The following CTNNA3 variants were observed in gnomAD, a reference collection of about 807,000 sequenced individuals.
CTNNA3 encodes the protein catenin alpha-3.
A neutral mutation model predicts 95.7 loss-of-function variants in CTNNA3; 76 were observed. The observed-to-expected ratio is 0.79, with a 90% CI of 0.66 to 0.96. The LOEUF is 0.96. Among genes scored for constraint, CTNNA3 ranks in the 40% least tolerant of loss-of-function variants. CTNNA3 has a pLI of 0.00. For missense variants in CTNNA3, 1,191 were observed against 1,089.8 expected (o/e 1.09, Z -1.31); for synonymous variants, 431 against 374.4 (o/e 1.15, Z -1.74).
chr10:66,377,262 T>C (rs1344436768), intron 12 of CTNNA3, among the ~76,000 whole-genome samples: 1 of 152,096 alleles, frequency 6.6e-6, no homozygotes, highest in Non-Finnish European at 1.5e-5. Flanking sequence ...CCCAGGATTA[T>C]TTTATATTCA....
intron 6 of CTNNA3, among the ~76,000 whole-genome samples, chr10:67,182,712 T>C (rs1409594748): frequency 6.6e-6 from 1 of 152,108 alleles, no homozygotes; most frequent in Non-Finnish European, 1.5e-5. Context: ...CTAAAGAGCT[T>C]CTGCACAGCA....
intron 7 of CTNNA3, among the ~76,000 whole-genome samples, chr10:66,950,027 A>G (rs938401699): frequency 6.6e-6 from 1 of 152,140 alleles, no homozygotes; most frequent in African/African-American, 2.4e-5. Flanking sequence ...CTGTTTCTCT[A>G]TGCAATTACT....
intron 3 of CTNNA3, among the ~76,000 whole-genome samples, chr10:67,557,393 A>G (rs1341129936): frequency 2.6e-5 from 4 of 152,144 alleles, no homozygotes; most frequent in African/African-American, 9.7e-5. Flanking sequence ...TTAAGCATTC[A>G]ATTTATCCAG....
At chr10:67,726,308 A>C (rs1841215577) in intron 1 of CTNNA3, among the ~76,000 whole-genome samples, 1 of 93,766 alleles carries the variant, frequency 1.1e-5, no homozygotes, top group South Asian at 3.4e-4. Flanking sequence ...ATATTATCTT[A>C]CATATTATAT....
At chr10:66,758,652 G>A (rs1235119250) in intron 9 of CTNNA3, among the ~76,000 whole-genome samples, 7 of 152,184 alleles carry the variant, frequency 4.6e-5, no homozygotes, top group East Asian at 3.9e-4. Flanking sequence ...TCAAAACTTT[G>A]GGCCGGGCAT....
intron 5 of CTNNA3, among the ~76,000 whole-genome samples, chr10:67,256,537 T>C (rs1866359302): frequency 6.6e-6 from 1 of 152,288 alleles, no homozygotes; most frequent in Non-Finnish European, 1.5e-5. Context: ...AGATGGTTTA[T>C]CTGAAAGATT....
chr10:66,019,018 TG>T (rs1354863807), intron 15 of CTNNA3, among the ~76,000 whole-genome samples: 2 of 152,122 alleles, frequency 1.3e-5, no homozygotes, highest in Non-Finnish European at 2.9e-5. Flanking sequence ...CATTAATAAA[TG>T]TATAACCAAG....
intron 16 of CTNNA3, among the ~76,000 whole-genome samples, chr10:65,979,383 A>G (rs1379703639): frequency 6.6e-6 from 1 of 152,140 alleles, no homozygotes; most frequent in African/African-American, 2.4e-5. Flanking sequence ...ATAGACCATA[A>G]CTCAAAAGTG....
chr10:66,140,673 CAA>C (rs1436961116), intron 13 of CTNNA3, among the ~76,000 whole-genome samples: 2 of 152,208 alleles, frequency 1.3e-5, no homozygotes, highest in Non-Finnish European at 2.9e-5. Flanking sequence ...TCCTATTCTG[CAA>C]ATCCCACATT....
chr10:66,766,392 C>T lies in CTNNA3; in HGVS notation c.1153G>A (p.Val385Met). 1.2e-6 allele frequency: 2 copies of T among 1,613,616 alleles called. No individual in the cohort carries two copies. Among genetic ancestry groups the T allele is most frequent in the Non-Finnish European group, 1.7e-6 (2 of 1,179,766 alleles). ...GTCGTATCCAGGAAAGAGTCTGACA[C>T]ATGATCTATAATAGCCTTGCGGAGC... Reference protein sequence around the residue: ...RQLRKAIIDHVSDSFLDTTVP... With the variant: ...RQLRKAIIDHMSDSFLDTTVP... The change falls in exon 9 of 18, where the codon GTG (valine) becomes ATG (methionine). Residue 385 changes from valine to methionine, a missense_variant. Val to Met is a conservative substitution (Grantham distance 21, BLOSUM62 1). Transcript: ENST00000433211.
chr10:66,941,589 G>A (rs999312606), intron 7 of CTNNA3, among the ~76,000 whole-genome samples: 1 of 152,016 alleles, frequency 6.6e-6, no homozygotes, highest in Non-Finnish European at 1.5e-5. Flanking sequence ...AAAATCAAAG[G>A]CCATAAAAGC....
chr10:67,482,397 C>T (rs1285076955), intron 5 of CTNNA3, among the ~76,000 whole-genome samples: 2 of 152,080 alleles, frequency 1.3e-5, no homozygotes, highest in African/African-American at 2.4e-5. Context: ...AATGTTCTTC[C>T]ATTTGTTTGT....
intron 14 of CTNNA3, among the ~76,000 whole-genome samples, chr10:66,081,752 C>G (rs2080770700): frequency 6.6e-6 from 1 of 152,082 alleles, no homozygotes; most frequent in African/African-American, 2.4e-5. Flanking sequence ...TATTCTTTGG[C>G]AAGGTTCATT....
At chr10:67,083,810 A>G (rs554103982) in intron 7 of CTNNA3, among the ~76,000 whole-genome samples, 1 of 152,188 alleles carries the variant, frequency 6.6e-6, no homozygotes, top group Non-Finnish European at 1.5e-5. Flanking sequence ...TTCCCATTAC[A>G]TACTTTTTAA....
intron 12 of CTNNA3, among the ~76,000 whole-genome samples, chr10:66,372,101 G>A (rs1397879236): frequency 6.6e-6 from 1 of 152,094 alleles, no homozygotes; most frequent in African/African-American, 2.4e-5. Flanking sequence ...AGTGTCCCTT[G>A]CAGTCTGCCA....
Position 66,030,665 on chromosome 10 carries a change from A to T in CTNNA3, c.2159+38643T>A, listed in dbSNP as rs576320022. Among the ~76,000 whole-genome samples, 4 of 152,342 alleles carry T rather than the reference A, an allele frequency of 2.6e-5. No homozygotes were observed. The East Asian group carries it at 7.7e-4, about 29-fold the overall frequency. ...AGCCTTGGCAAATAATTTATGACTA[A>T]GTCCTCAAAAGCACTTGCAACAAAA... On this transcript the variant is annotated intron_variant, in intron 15 of 17. Coordinates refer to ENST00000433211, the MANE Select transcript of CTNNA3 (RefSeq NM_013266.4).
At chr10:66,465,646 G>C (rs1838881601) in intron 11 of CTNNA3, among the ~76,000 whole-genome samples, 1 of 152,068 alleles carries the variant, frequency 6.6e-6, no homozygotes, top group South Asian at 2.1e-4. Flanking sequence ...GACTCAGGAA[G>C]CACATCCTGT....
At chr10:66,790,992 C>T (rs1164771317) in intron 7 of CTNNA3, among the ~76,000 whole-genome samples, 2 of 152,104 alleles carry the variant, frequency 1.3e-5, no homozygotes, top group Non-Finnish European at 2.9e-5. Context: ...TTCTTTATTG[C>T]TTAAATTAAT....
chr10:66,378,195 A>G (rs2092809618), intron 12 of CTNNA3, among the ~76,000 whole-genome samples: 1 of 152,164 alleles, frequency 6.6e-6, no homozygotes, highest in Non-Finnish European at 1.5e-5. Context: ...GGCTTCAAAT[A>G]TAAAAGAAAA....
Sources: allele counts gnomAD v4.1 joint callset (sites outside exome capture counted in the v4.1 genomes callset), GRCh38; gene constraint gnomAD v4.1.1; transcripts MANE v1.5; gene names NCBI Gene and HGNC (gene_info 2026-07-23, HGNC 2026-07-21).